The following C12orf42 variants were observed in gnomAD, a reference collection of about 807,000 sequenced individuals.
C12orf42 encodes chromosome 12 open reading frame 42, also known as uncharacterized protein C12orf42.
Under a neutral mutation model 21.6 loss-of-function variants are expected in C12orf42, and 25 were observed. The ratio of observed to expected loss-of-function variants is 1.16; its 90% CI spans 0.84 to 1.62. C12orf42 has a LOEUF of 1.62. Among genes scored for constraint, C12orf42 ranks in the 40% most tolerant of loss-of-function variants. The probability of loss-of-function intolerance (pLI) is 0.00; values close to 1 mark genes in which losing one functional copy is unlikely to be tolerated. For synonymous variants in C12orf42, 174 were observed against 175.0 expected, an observed-to-expected ratio of 0.99 and a Z score of 0.05; for missense variants, 483 against 459.3, an observed-to-expected ratio of 1.05 and a Z score of -0.47.
At chr12:103,189,576 T>C in the C12orf42 span, among the ~76,000 whole-genome samples, 1 of 152,228 alleles carries the variant, frequency 6.6e-6, no homozygotes, top group African/African-American at 2.4e-5. Context: ...TCCCCAAATC[T>C]GCATAGTGTA....
intron 4 of C12orf42, among the ~76,000 whole-genome samples, chr12:103,318,874 G>A (rs772209301): frequency 2.6e-5 from 4 of 152,136 alleles, no homozygotes; most frequent in South Asian, 2.1e-4. Context: ...ATTTCACATC[G>A]TGCTAAAACT....
chr12:103,164,617 A>G, the C12orf42 span: 3 of 425,162 alleles, frequency 7.1e-6, no homozygotes, highest in Non-Finnish European at 1.4e-5. Context: ...AATATTTTCC[A>G]TATACTTATA....
intron 4 of C12orf42, among the ~76,000 whole-genome samples, chr12:103,324,404 A>C (rs921032369): frequency 2.0e-5 from 3 of 152,198 alleles, no homozygotes; most frequent in Non-Finnish European, 2.9e-5. Context: ...ACTCACCCAA[A>C]AAAATTAGTC....
At chr12:103,182,508 T>C in the C12orf42 span, among the ~76,000 whole-genome samples, 8 of 152,314 alleles carry the variant, frequency 5.3e-5, no homozygotes, top group African/African-American at 1.9e-4. Context: ...TGTGATAGCA[T>C]TGCATTCAGT....
At chr12:103,143,449 T>A in the C12orf42 span, among the ~76,000 whole-genome samples, 19 of 152,328 alleles carry the variant, frequency 1.2e-4, no homozygotes, top group African/African-American at 3.8e-4. Context: ...AGGTCATACC[T>A]CAGTTCTGAG....
intron 4 of C12orf42, chr12:103,348,982 T>C (rs955441025): frequency 1.3e-5 from 2 of 152,108 alleles, no homozygotes; most frequent in African/African-American, 4.8e-5. Context: ...CAAACAGAAA[T>C]CACCTTTTAT....
At chr12:103,392,606 T>C (rs1477916437) in intron 3 of C12orf42, among the ~76,000 whole-genome samples, 1 of 96,172 alleles carries the variant, frequency 1.0e-5, no homozygotes. Flanking sequence ...TGAAATTGTT[T>C]TTCTTAATTT....
At chr12:103,529,662 G>T in the C12orf42 span, among the ~76,000 whole-genome samples, 1 of 152,172 alleles carries the variant, frequency 6.6e-6, no homozygotes, top group African/African-American at 2.4e-5. Flanking sequence ...GTGTTACAGG[G>T]TATGAGTTCT....
At chr12:103,235,871 A>T (rs566170377), downstream of C12orf42, among the ~76,000 whole-genome samples, 2 of 152,200 alleles carry the variant, frequency 1.3e-5, no homozygotes, top group Non-Finnish European at 2.9e-5. Flanking sequence ...CTTAAGACAT[A>T]TGCATGCACT....
At chr12:103,177,640 C>T in the C12orf42 span, among the ~76,000 whole-genome samples, 1 of 152,128 alleles carries the variant, frequency 6.6e-6, no homozygotes. Flanking sequence ...CTTTCTTTTA[C>T]AAGAAATCAG....
chr12:103,164,907 G>A, the C12orf42 span: 4 of 266,430 alleles, frequency 1.5e-5, no homozygotes, highest in Non-Finnish European at 3.1e-5. Flanking sequence ...AGAGTTGAGA[G>A]AATTTAATGA....
At chr12:103,509,011 T>C in the C12orf42 span, among the ~76,000 whole-genome samples, 3 of 152,194 alleles carry the variant, frequency 2.0e-5, no homozygotes, top group African/African-American at 7.2e-5. Flanking sequence ...TTCTCTCTTT[T>C]ATACAAGAGG....
the C12orf42 span, among the ~76,000 whole-genome samples, chr12:103,187,387 G>A: frequency 6.6e-6 from 1 of 152,100 alleles, no homozygotes; most frequent in Non-Finnish European, 1.5e-5. Flanking sequence ...ATGCAGATAG[G>A]ATTCAAATAC....
At chr12:103,151,838 G>A in the C12orf42 span, 1 of 152,144 alleles carries the variant, frequency 6.6e-6, no homozygotes. Flanking sequence ...CTTATTGAGT[G>A]TGGGCAAAAG....
chr12:103,509,001 TTC>T, the C12orf42 span, among the ~76,000 whole-genome samples: 6 of 152,330 alleles, frequency 3.9e-5, no homozygotes, highest in African/African-American at 1.4e-4. Flanking sequence ...AGCTATTATT[TTC>T]TCTCTTTTAT....
At chr12:103,506,846 TATATTTATATA>T in the C12orf42 span, among the ~76,000 whole-genome samples, 105 of 77,672 alleles carry the variant, frequency 1.4e-3, 1 homozygote, top group Middle Eastern at 4.6e-3. Flanking sequence ...TATATATATA[TATATTTATATA>T]TTATATATAT....
At chr12:103,291,002 T>C (rs1008972174) in intron 4 of C12orf42, among the ~76,000 whole-genome samples, 1 of 152,108 alleles carries the variant, frequency 6.6e-6, no homozygotes, top group Non-Finnish European at 1.5e-5. Flanking sequence ...GTAACACAAC[T>C]ACACTTGTAC....
chr12:103,262,602 A>G (rs1490739864), intron 10 of C12orf42: 1 of 152,188 alleles, frequency 6.6e-6, no homozygotes, highest in African/African-American at 2.4e-5. Flanking sequence ...ATGTATAATA[A>G]GGGAAGAGAA....
chr12:103,526,704 T>A, the C12orf42 span, among the ~76,000 whole-genome samples: 1 of 152,156 alleles, frequency 6.6e-6, no homozygotes. Context: ...CCTCTCCATG[T>A]GCACAGAAAA....
Sources: allele counts gnomAD v4.1 joint callset (sites outside exome capture counted in the v4.1 genomes callset), GRCh38; gene constraint gnomAD v4.1.1; transcripts MANE v1.5; gene names NCBI Gene and HGNC (gene_info 2026-07-23, HGNC 2026-07-21).